ATRIP: variants seen among roughly 807,000 people sequenced by gnomAD.
ATRIP encodes ATR-interacting protein.
Under a neutral mutation model 78.1 loss-of-function variants are expected in ATRIP, and 44 were observed. That is an observed-to-expected ratio of 0.56 (90% confidence interval 0.44 to 0.72). ATRIP has a LOEUF of 0.72. Ranked by LOEUF, ATRIP falls within the 30% of genes least tolerant of loss-of-function variation. The pLI is 0.00. For missense variants in ATRIP, 927 were observed against 980.2 expected (o/e 0.95, Z 0.72); for synonymous variants, 388 against 408.9 (o/e 0.95, Z 0.62).
rs1026759103 is a variant in ATRIP, at chr3:48,466,309, G to A, written c.*755G>A. On this transcript the variant is annotated 3_prime_UTR_variant, in exon 13 of 13. Transcript: ENST00000320211. ...TACTGCCTGCCTGCCTGCCTGCTAC[G>A]GTGAGTGTGGCCCCCACAATGGGAT... The A allele has an allele frequency of 3.0e-5, 23 of 755,756 alleles. No individual in the cohort carries two copies. The East Asian group carries it at 5.7e-4, about 19-fold the overall frequency. The allele number at this position is 755,756 out of a possible 1,614,324, so 46.8% of individuals were successfully genotyped here.
In ATRIP at chr3:48,450,037, G is replaced by A; in HGVS notation, c.248G>A (p.Ser83Asn). 6.2e-7 allele frequency: 1 copy of A among 1,606,112 alleles called. No homozygotes were observed. Residue 83 changes from serine (S) to asparagine (N), a missense_variant and splice_region_variant, in exon 2 of 13, where the codon AGT becomes AAT. Transcript: ENST00000320211. ...QCPAAARDVSSDHKVHRLLDG... is the reference protein window; with the variant it reads ...QCPAAARDVSNDHKVHRLLDG... The stretch of plus-strand genomic sequence containing the variant: ...ATGTATATGGAACTATTTTTTACAG[G>A]TGATCATAAGGTCCACAGATTATTA...
intron 4 of ATRIP, among the ~76,000 whole-genome samples, chr3:48,456,114 C>T (rs970436833): frequency 2.0e-5 from 3 of 151,206 alleles, no homozygotes; most frequent in Admixed American, 1.3e-4. Context: ...AACAAGACTC[C>T]ATTCCAGAAA....
At chr3:48,465,391 G>C (rs990302849) in intron 12 of ATRIP, 96 bp from the exon 13 acceptor site, 12 of 1,273,832 alleles carry the variant, frequency 9.4e-6, no homozygotes, top group Non-Finnish European at 1.4e-5. Context: ...GAAGGGACTG[G>C]TTAGTTCCTG....
intron 12 of ATRIP, 99 bp downstream of exon 12, chr3:48,465,182 C>T: frequency 6.9e-7 from 1 of 1,458,190 alleles, no homozygotes; most frequent in East Asian, 2.3e-5. Context: ...AGGCCCCCGC[C>T]CACTGCAGCC....
At chr3:48,456,584 T>G (rs2039960899) in intron 4 of ATRIP, among the ~76,000 whole-genome samples, 2 of 135,026 alleles carry the variant, frequency 1.5e-5, no homozygotes, top group African/African-American at 2.8e-5. Context: ...GGCAACAGAG[T>G]GAGACCCTGT....
At chr3:48,457,801 C>G (rs1376782691) in intron 5 of ATRIP, among the ~76,000 whole-genome samples, 1 of 152,226 alleles carries the variant, frequency 6.6e-6, no homozygotes, top group South Asian at 2.1e-4. Flanking sequence ...TTGTTAGAAG[C>G]AAATCACTGA....
Position 48,460,158 on chromosome 3 carries a change from G to T in ATRIP, c.1104G>T (p.Gly368=), listed in dbSNP as rs1392616969. 10 of 1,613,768 alleles carry T rather than the reference G, an allele frequency of 6.2e-6. No individual in the cohort carries two copies. Among genetic ancestry groups the T allele is most frequent in the Non-Finnish European group, 8.5e-6 (10 of 1,179,998 alleles). The part of the protein sequence containing the change: ...SGLRTTGSYD[G]SFSLSALREA... ...TCAGGACCACAGGTTCTTATGATGG[G>T]TCATTTTCCCTCTCAGCCCTGAGAG... Residue 368 remains glycine, a synonymous_variant, in exon 8 of 13, where the codon GGG becomes GGT. Coordinates refer to ENST00000320211, the MANE Select transcript of ATRIP (RefSeq NM_130384.3).
At position 48,466,039 on chromosome 3, in the gene ATRIP, A is replaced by C; in HGVS notation, c.*485A>C. The C allele has an allele frequency of 3.1e-6, 1 of 321,696 alleles. No homozygotes were observed. The allele number at this position is 321,696 out of a possible 1,614,324, so 19.9% of individuals were successfully genotyped here. On this transcript the variant is annotated 3_prime_UTR_variant, in exon 13 of 13. Transcript: ENST00000320211. ...GTCCTTCCAGCTGCCTGTCACTGGT[A>C]TGATGGCCCCGGTGCATTGTGCCAC...
intron 1 of ATRIP, among the ~76,000 whole-genome samples, chr3:48,449,430 AAAAAG>A (rs1560101395): frequency 1.3e-5 from 2 of 150,518 alleles, no homozygotes; most frequent in Admixed American, 1.3e-4. Flanking sequence ...AAAAAAAAAA[AAAAAG>A]AAGGATCATT....
chr3:48,466,812 C>T lies in ATRIP; in HGVS notation c.*1258C>T. 6.2e-7 allele frequency: 1 copy of T among 1,613,970 alleles called. No individual in the cohort carries two copies. The highest frequency in any genetic ancestry group is 1.3e-5 in the African/African-American group (1 of 75,050). ...GGAGAGCCCCCCCACCTCTCAGGGG[C>T]CACCTCCCACAGTTCCTCCACCACC... On this transcript the variant is annotated 3_prime_UTR_variant, in exon 13 of 13. Transcript: ENST00000320211.
intron 2 of ATRIP, 78 bp from the exon 3 acceptor site, chr3:48,451,651 C>T: frequency 1.6e-6 from 2 of 1,267,118 alleles, no homozygotes; most frequent in Non-Finnish European, 2.2e-6. Flanking sequence ...TCTCCATCTC[C>T]CCAACTACAT....
rs968876728 is a variant in ATRIP, at chr3:48,447,350, C to T, written c.247+258C>T. 5.2e-6 allele frequency: 6 copies of T among 1,161,830 alleles called. No homozygotes were observed. In the African/African-American group the frequency reaches 8.0e-5, roughly 16 times the overall value. The allele number at this position is 1,161,830 out of a possible 1,614,324, so 72.0% of individuals were successfully genotyped here. ...TTACGTTATTTTCTAAAGTTTAGGC[C>T]ACTTGGTTCTTGGTTCTAAGCAGAG... is the stretch of plus-strand genomic sequence containing the variant. On this transcript the variant is annotated intron_variant, in intron 1 of 12. Transcript: ENST00000320211.
At chr3:48,449,928 A>T in intron 1 of ATRIP, 109 bp from the exon 2 acceptor site, 1 of 1,203,888 alleles carries the variant, frequency 8.3e-7, no homozygotes, top group Non-Finnish European at 1.2e-6. Flanking sequence ...ACAGAGCAAG[A>T]CCCTATCTCA....
rs1328995669 is a variant in ATRIP at position 48,446,983 on chromosome 3, C to G, written c.138C>G (p.Asp46Glu). Residue 46 changes from aspartate (D) to glutamate (E), a missense_variant, in exon 1 of 13, where the codon GAC becomes GAG. By Grantham distance (45) the Asp-to-Glu change is conservative. Transcript: ENST00000320211. Reference sequence around the variant, plus strand: ...CCGCAGCCGCTGCCCCGGACCCTGACGACCCGTTCGGCGCGCATGGGGACT... The same window carrying G: ...CCGCAGCCGCTGCCCCGGACCCTGAGGACCCGTTCGGCGCGCATGGGGACT... ...GFSAAAAPDPDDPFGAHGDFT... is the reference protein window; with the variant it reads ...GFSAAAAPDPEDPFGAHGDFT... 4.4e-6 allele frequency: 7 copies of G among 1,573,726 alleles called. No homozygotes were observed. In the African/African-American group the frequency reaches 7.0e-5, roughly 16 times the overall value.
At chr3:48,456,489 C>T (rs1317811757) in intron 4 of ATRIP, among the ~76,000 whole-genome samples, 1 of 151,468 alleles carries the variant, frequency 6.6e-6, no homozygotes, top group African/African-American at 2.4e-5. Context: ...CCCTGTGCTA[C>T]TCAGAAGGAT....
At position 48,450,166 on chromosome 3, in the gene ATRIP, A is replaced by AT; in HGVS notation, c.377_378insT (p.Glu126AspfsTer13). Reference sequence around the variant, plus strand: ...CAGGCACAATACAAAGAACTTAAAGAAAAGGTAAGTGACTTAACTTGTGGT... The same window carrying AT: ...CAGGCACAATACAAAGAACTTAAAGATAAAGGTAAGTGACTTAACTTGTGGT... On this transcript the variant is annotated frameshift_variant, in exon 2 of 13. Coordinates refer to ENST00000320211, the MANE Select transcript of ATRIP (RefSeq NM_130384.3). LOFTEE classifies it high-confidence loss of function. 6.2e-7 allele frequency: 1 copy of AT among 1,608,290 alleles called. No individual in the cohort carries two copies. Among genetic ancestry groups the AT allele is most frequent in the Non-Finnish European group, 8.5e-7 (1 of 1,178,238 alleles).
At chr3:48,449,325 A>C (rs989197294) in intron 1 of ATRIP, among the ~76,000 whole-genome samples, 3 of 148,112 alleles carry the variant, frequency 2.0e-5, no homozygotes, top group Admixed American at 1.4e-4. Context: ...GAGGCACAAG[A>C]ATCGCTTGAA....
At chr3:48,451,970 A>T in intron 3 of ATRIP, 71 bp downstream of exon 3, 1 of 1,425,100 alleles carries the variant, frequency 7.0e-7, no homozygotes, top group East Asian at 2.3e-5. Flanking sequence ...GTTGCCTGTA[A>T]ATCTTCCAGG....
In ATRIP at chr3:48,457,260, C is replaced by G. The variant is rs1315707822; in HGVS notation, c.673C>G (p.Pro225Ala). 6.4e-7 allele frequency: 1 copy of G among 1,564,996 alleles called. No individual in the cohort carries two copies. Among genetic ancestry groups the G allele is most frequent in the Middle Eastern group, 1.7e-4 (1 of 5,908 alleles). The change falls in exon 5 of 13, where the codon CCT becomes GCT. Residue 225 changes from proline to alanine, a missense_variant and splice_region_variant. Physicochemically the swap from Pro to Ala is conservative, Grantham distance 27. Transcript: ENST00000320211. Reference protein sequence around the residue: ...LAAPSVSHVSPRKNPSVVIKP... With the variant: ...LAAPSVSHVSARKNPSVVIKP... Reference sequence around the variant, plus strand: ...GCTTTCATAGTTAACTTTTTCCAGTCCTAGGAAAAACCCTTCTGTGGTTAT... The same window carrying G: ...GCTTTCATAGTTAACTTTTTCCAGTGCTAGGAAAAACCCTTCTGTGGTTAT...
Sources: allele counts gnomAD v4.1 joint callset (sites outside exome capture counted in the v4.1 genomes callset), GRCh38; gene constraint gnomAD v4.1.1; transcripts MANE v1.5; gene names NCBI Gene and HGNC (gene_info 2026-07-23, HGNC 2026-07-21).